HADH: variants seen among roughly 807,000 people sequenced by gnomAD.
HADH encodes hydroxyacyl-CoA dehydrogenase, also known as hydroxyacyl-coenzyme A dehydrogenase, mitochondrial.
HADH carries 24 observed loss-of-function variants against 32.2 expected under a neutral mutation model. The observed-to-expected ratio is 0.75, with a 90% CI of 0.54 to 1.05. The LOEUF (loss-of-function observed/expected upper bound fraction) is 1.05. Ranked by LOEUF, HADH falls within the 50% of genes least tolerant of loss-of-function variation. The pLI, the probability that HADH is intolerant of heterozygous loss-of-function variation, is 0.00. For synonymous variants in HADH, 139 were observed against 152.5 expected (o/e 0.91, Z 0.65); for missense variants, 350 against 397.1 (o/e 0.88, Z 1.01).
intron 4 of HADH, among the ~76,000 whole-genome samples, chr4:108,022,688 A>G (rs1735934032): frequency 6.6e-6 from 1 of 152,206 alleles, no homozygotes; most frequent in South Asian, 2.1e-4. Flanking sequence ...GGCAACCATC[A>G]TATACTTCCA....
At chr4:108,021,424 GTTTAAC>G (rs1256895428) in intron 4 of HADH, among the ~76,000 whole-genome samples, 1 of 152,112 alleles carries the variant, frequency 6.6e-6, no homozygotes, top group Non-Finnish European at 1.5e-5. Context: ...AGTTTTTATT[GTTTAAC>G]TTTAGCTCTT....
chr4:108,021,405 T>A (rs147966845), intron 4 of HADH, among the ~76,000 whole-genome samples: 111 of 152,362 alleles, frequency 7.3e-4, no homozygotes, highest in South Asian at 1.4e-3. Flanking sequence ...AAAGTGTTCT[T>A]CTCTATTCAG....
At chr4:108,005,601 C>G (rs1735270368) in intron 1 of HADH, among the ~76,000 whole-genome samples, 1 of 152,166 alleles carries the variant, frequency 6.6e-6, no homozygotes, top group Non-Finnish European at 1.5e-5. Context: ...CAGTCATATG[C>G]TCATTTAATC....
intron 6 of HADH, chr4:108,028,802 T>G (rs1468429575): frequency 2.5e-6 from 1 of 398,344 alleles, no homozygotes; most frequent in African/African-American, 2.1e-5. Flanking sequence ...ATGTGAGAGA[T>G]CCACCTTTTA....
At chr4:108,000,487 C>T (rs1735090214) in intron 1 of HADH, among the ~76,000 whole-genome samples, 1 of 152,164 alleles carries the variant, frequency 6.6e-6, no homozygotes, top group East Asian at 1.9e-4. Context: ...TTTCTCTGTT[C>T]TGTTCACATC....
At chr4:108,024,006 T>C (rs924896789) in intron 5 of HADH, 1 of 157,994 alleles carries the variant, frequency 6.3e-6, no homozygotes. Context: ...CCTGCCAAAA[T>C]AGCAATAAGG....
At chr4:108,033,642 TATCAC>T (rs1429886014) in intron 7 of HADH, among the ~76,000 whole-genome samples, 1 of 152,214 alleles carries the variant, frequency 6.6e-6, no homozygotes, top group Non-Finnish European at 1.5e-5. Flanking sequence ...TACACTGTGT[TATCAC>T]ATCAATAGAT....
rs564792496 is a variant in HADH, at chr4:107,998,341, G to A, written c.132+8277G>A. The stretch of plus-strand genomic sequence containing the variant: ...ATCACCCAGGCTAGAGTGCAGAGGC[G>A]TGATCTTGGCTCACTGCAGTGTCCA... On this transcript the variant is annotated intron_variant, in intron 1 of 7. Coordinates refer to ENST00000309522, the MANE Select transcript of HADH (RefSeq NM_005327.7). 7.2e-5 allele frequency among the ~76,000 whole-genome samples: 11 copies of A among 152,282 alleles called. No homozygotes were observed. The East Asian group carries it at 1.4e-3, about 19-fold the overall frequency.
chr4:108,000,196 A>G (rs1218464850), intron 1 of HADH, among the ~76,000 whole-genome samples: 1 of 152,230 alleles, frequency 6.6e-6, no homozygotes, highest in African/African-American at 2.4e-5. Context: ...CAAAGAGAAG[A>G]TAAGTGTTTA....
chr4:108,013,222 C>T (rs558883719), intron 2 of HADH, among the ~76,000 whole-genome samples: 16 of 152,334 alleles, frequency 1.1e-4, no homozygotes, highest in African/African-American at 3.8e-4. Flanking sequence ...TGAGCCACTG[C>T]GCCCGGACCA....
At chr4:108,010,388 G>A (rs1735444387) in intron 2 of HADH, among the ~76,000 whole-genome samples, 1 of 150,080 alleles carries the variant, frequency 6.7e-6, no homozygotes, top group East Asian at 2.0e-4. Context: ...CAGCATGGTG[G>A]GATGAGAAGG....
At chr4:107,990,209 C>A in intron 1 of HADH, 145 bp downstream of exon 1, 1 of 849,254 alleles carries the variant, frequency 1.2e-6, no homozygotes, top group Non-Finnish European at 1.8e-6. Flanking sequence ...GTTGAAATAT[C>A]TCGCGTCTGG....
chr4:108,004,549 C>A, intron 1 of HADH: 1 of 961,084 alleles, frequency 1.0e-6, no homozygotes, highest in East Asian at 3.9e-5. Flanking sequence ...TTTGTAGCCT[C>A]AAATCAACAT....
intron 6 of HADH, chr4:108,031,626 T>C (rs1405378302): frequency 6.6e-6 from 1 of 152,108 alleles, no homozygotes; most frequent in Non-Finnish European, 1.5e-5. Context: ...GACCCAGGCA[T>C]GGGGGTGGTT....
At chr4:107,990,874 C>G (rs895961669) in intron 1 of HADH, among the ~76,000 whole-genome samples, 1 of 151,820 alleles carries the variant, frequency 6.6e-6, no homozygotes, top group African/African-American at 2.4e-5. Flanking sequence ...CTCAGCCTCC[C>G]GAGTAGCTGG....
At position 107,990,032 on chromosome 4, in the gene HADH, G is replaced by A. The variant is rs779135938; in HGVS notation, c.100G>A (p.Gly34Ser). The A allele has an allele frequency of 3.1e-6, 5 of 1,611,258 alleles. No homozygotes were observed. The highest frequency in any genetic ancestry group is 4.2e-6 in the Non-Finnish European group (5 of 1,179,206). Reference sequence around the variant, plus strand: ...AATCGTCAAGCACGTGACGGTCATCGGCGGCGGGCTGATGGGCGCCGGCAT... The same window carrying A: ...AATCGTCAAGCACGTGACGGTCATCAGCGGCGGGCTGATGGGCGCCGGCAT... Reference protein sequence around the residue: ...KIIVKHVTVIGGGLMGAGIAQ... With the variant: ...KIIVKHVTVISGGLMGAGIAQ... The change falls in exon 1 of 8, where the codon GGC (glycine) becomes AGC (serine). Residue 34 changes from glycine (G) to serine (S), a missense_variant. Transcript: ENST00000309522.
intron 2 of HADH, among the ~76,000 whole-genome samples, chr4:108,012,373 A>G (rs191123984): frequency 6.9e-4 from 105 of 152,312 alleles, no homozygotes; most frequent in African/African-American, 2.5e-3. Flanking sequence ...AATAAATTTA[A>G]TTTCCTCAGC....
chr4:108,005,119 G>T, intron 1 of HADH: 1 of 385,726 alleles, frequency 2.6e-6, no homozygotes, highest in Non-Finnish European at 4.7e-6. Context: ...TTGATCTTAT[G>T]GTTACCAAAA....
At chr4:107,991,622 A>G (rs1734814988) in intron 1 of HADH, among the ~76,000 whole-genome samples, 2 of 152,090 alleles carry the variant, frequency 1.3e-5, no homozygotes, top group African/African-American at 4.8e-5. Flanking sequence ...AGGTTATAGT[A>G]TCCCCATAAT....
Sources: allele counts gnomAD v4.1 joint callset (sites outside exome capture counted in the v4.1 genomes callset), GRCh38; gene constraint gnomAD v4.1.1; transcripts MANE v1.5; gene names NCBI Gene and HGNC (gene_info 2026-07-23, HGNC 2026-07-21).